Variants in RHBDD1 observed in about 807,000 individuals in gnomAD.
The protein encoded by RHBDD1 is rhomboid domain containing 1.
A neutral mutation model predicts 36.3 loss-of-function variants in RHBDD1; 38 were observed. That is an observed-to-expected ratio of 1.05 (90% CI 0.81 to 1.37). RHBDD1 has a LOEUF of 1.37. Ranked by LOEUF, RHBDD1 falls within the 40% of genes most tolerant of loss-of-function variation. RHBDD1 has a pLI of 0.00. For missense variants in RHBDD1, 393 were observed against 377.6 expected, an observed-to-expected ratio of 1.04 and a Z score of -0.34; for synonymous variants, 151 against 136.5, an observed-to-expected ratio of 1.11 and a Z score of -0.74.
intron 8 of RHBDD1, among the ~76,000 whole-genome samples, chr2:226,922,351 G>A (rs1370437395): frequency 6.6e-6 from 1 of 151,658 alleles, no homozygotes; most frequent in Admixed American, 6.6e-5. Context: ...GGGACTACAG[G>A]TGCCTGCTGC....
At chr2:226,930,882 A>T (rs1949991940) in intron 8 of RHBDD1, among the ~76,000 whole-genome samples, 1 of 152,166 alleles carries the variant, frequency 6.6e-6, no homozygotes, top group South Asian at 2.1e-4. Context: ...AACGTATGAA[A>T]AAAATGCTTA....
At chr2:226,810,015 A>G in the RHBDD1 span, among the ~76,000 whole-genome samples, 8 of 152,222 alleles carry the variant, frequency 5.3e-5, no homozygotes, top group Admixed American at 5.2e-4. Context: ...ACCATAACAT[A>G]ACTCTTGGAA....
chr2:226,841,142 A>AT (rs1207083378), intron 3 of RHBDD1, among the ~76,000 whole-genome samples: 1 of 151,040 alleles, frequency 6.6e-6, no homozygotes, highest in Non-Finnish European at 1.5e-5. Flanking sequence ...TCATTTATTT[A>AT]TTTTTTTTGA....
chr2:226,966,534 A>G (rs1252319247), intron 8 of RHBDD1, among the ~76,000 whole-genome samples: 2 of 152,232 alleles, frequency 1.3e-5, no homozygotes, highest in Admixed American at 6.5e-5. Context: ...AATAAATACA[A>G]CTTAGTGCAA....
chr2:226,867,395 T>C, intron 5 of RHBDD1, 77 bp downstream of exon 5: 70 of 1,227,552 alleles, frequency 5.7e-5, no homozygotes, highest in Non-Finnish European at 7.1e-5. Flanking sequence ...AATAATGAGG[T>C]AACCAATTGT....
chr2:226,899,999 T>C (rs926142663), intron 5 of RHBDD1, among the ~76,000 whole-genome samples: 1 of 152,176 alleles, frequency 6.6e-6, no homozygotes, highest in African/African-American at 2.4e-5. Flanking sequence ...AGAATTACTT[T>C]GGTTTGGTGC....
chr2:226,976,283 A>T (rs1651188372), intron 8 of RHBDD1, among the ~76,000 whole-genome samples: 1 of 146,436 alleles, frequency 6.8e-6, no homozygotes, highest in African/African-American at 2.6e-5. Flanking sequence ...TAGATCTTGG[A>T]TATGCCCACC....
At chr2:226,916,117 T>C (rs139471225) in intron 8 of RHBDD1, among the ~76,000 whole-genome samples, 117 of 152,314 alleles carry the variant, frequency 7.7e-4, no homozygotes, top group African/African-American at 2.7e-3. Context: ...AAACAAGTCT[T>C]ATGCTGGCAC....
rs143539019 is a variant in RHBDD1 at position 226,998,522 on chromosome 2, A to G, written c.*3000A>G. ...GCATTCAATTAGTCAAAAAATATATATATAACTTCTTCCTTTCCCTTCCCA... is the reference window on the plus strand; with the variant it reads ...GCATTCAATTAGTCAAAAAATATATGTATAACTTCTTCCTTTCCCTTCCCA... On this transcript the variant is annotated 3_prime_UTR_variant, in exon 9 of 9. Transcript: ENST00000392062. The G allele has an allele frequency of 1.6e-3, 251 of 152,286 alleles. 1 individual carries two copies. Among genetic ancestry groups the G allele is most frequent in the African/African-American group, 5.8e-3 (243 of 41,568 alleles). The allele number at this position is 152,286 out of a possible 1,614,324, so 9.4% of individuals were successfully genotyped here. A position where few individuals can be genotyped will look rare whatever the true frequency, so the allele number is the denominator to read the frequency against.
At chr2:226,893,443 C>T (rs1946848565) in intron 5 of RHBDD1, among the ~76,000 whole-genome samples, 1 of 152,160 alleles carries the variant, frequency 6.6e-6, no homozygotes, top group African/African-American at 2.4e-5. Flanking sequence ...TGGAAGTGAT[C>T]ATGGCCTCTT....
chr2:226,946,588 C>G (rs1376066913), intron 8 of RHBDD1, among the ~76,000 whole-genome samples: 3 of 152,066 alleles, frequency 2.0e-5, no homozygotes. Flanking sequence ...AAACGGACCA[C>G]TAGCCAGACT....
chr2:226,824,208 A>G, the RHBDD1 span, among the ~76,000 whole-genome samples: 1 of 152,134 alleles, frequency 6.6e-6, no homozygotes, highest in Non-Finnish European at 1.5e-5. Context: ...GCAAATGTTA[A>G]CATTTAAGAC....
intron 5 of RHBDD1, among the ~76,000 whole-genome samples, chr2:226,874,608 G>T (rs187735432): frequency 6.6e-6 from 1 of 152,188 alleles, no homozygotes; most frequent in Admixed American, 6.5e-5. Context: ...TTTTCTATCT[G>T]TGTTAAATAT....
At chr2:226,987,094 G>T (rs181870151) in intron 8 of RHBDD1, among the ~76,000 whole-genome samples, 1 of 152,132 alleles carries the variant, frequency 6.6e-6, no homozygotes, top group African/African-American at 2.4e-5. Flanking sequence ...ACCAAACACC[G>T]CATGTTCTCG....
intron 3 of RHBDD1, among the ~76,000 whole-genome samples, chr2:226,846,311 T>C (rs936081947): frequency 2.6e-5 from 4 of 152,128 alleles, no homozygotes; most frequent in Admixed American, 2.6e-4. Context: ...GGTAGAGAAA[T>C]CAGAAAAGGA....
intron 3 of RHBDD1, among the ~76,000 whole-genome samples, chr2:226,841,115 G>A (rs995887309): frequency 1.3e-5 from 2 of 151,838 alleles, no homozygotes; most frequent in African/African-American, 4.8e-5. Flanking sequence ...TTCTTTCAAG[G>A]CGTATTCATT....
At chr2:226,828,607 G>A in the RHBDD1 span, among the ~76,000 whole-genome samples, 1 of 151,962 alleles carries the variant, frequency 6.6e-6, no homozygotes, top group African/African-American at 2.4e-5. Context: ...GTAACTTAAG[G>A]GAATGTGCAG....
intron 8 of RHBDD1, among the ~76,000 whole-genome samples, chr2:226,968,698 A>G (rs1326155753): frequency 6.6e-6 from 1 of 152,176 alleles, no homozygotes; most frequent in African/African-American, 2.4e-5. Flanking sequence ...GAAAATGGGG[A>G]ATTTTTAAGT....
chr2:226,848,130 T>A (rs1942416967), intron 3 of RHBDD1, among the ~76,000 whole-genome samples: 1 of 152,222 alleles, frequency 6.6e-6, no homozygotes, highest in Non-Finnish European at 1.5e-5. Context: ...GATTTTTTTT[T>A]AAGCTGTGAC....
Sources: allele counts gnomAD v4.1 joint callset (sites outside exome capture counted in the v4.1 genomes callset), GRCh38; gene constraint gnomAD v4.1.1; transcripts MANE v1.5; gene names NCBI Gene and HGNC (gene_info 2026-07-23, HGNC 2026-07-21).